The following ATRNL1 variants were observed in gnomAD, a reference collection of about 807,000 sequenced individuals.
The protein encoded by ATRNL1 is attractin-like protein 1.
ATRNL1 carries 95 observed loss-of-function variants against 182.7 expected under a neutral mutation model. The observed-to-expected ratio is 0.52, with a 90% CI of 0.44 to 0.62. ATRNL1 has a LOEUF of 0.62. Among genes scored for constraint, ATRNL1 ranks in the 20% least tolerant of loss-of-function variants. The pLI, the probability that ATRNL1 is intolerant of heterozygous loss-of-function variation, is 0.00. For missense variants in ATRNL1, 1,471 were observed against 1,679.5 expected, an observed-to-expected ratio of 0.88 and a Z score of 2.17; for synonymous variants, 576 against 568.3, an observed-to-expected ratio of 1.01 and a Z score of -0.19.
intron 19 of ATRNL1, among the ~76,000 whole-genome samples, chr10:115,365,462 A>G (rs1210169107): frequency 6.6e-6 from 1 of 151,956 alleles, no homozygotes; most frequent in Non-Finnish European, 1.5e-5. Flanking sequence ...TGATCCTTTC[A>G]AAAAACCAGC....
chr10:115,094,903 A>G (rs1485893791), intron 1 of ATRNL1, among the ~76,000 whole-genome samples: 2 of 152,192 alleles, frequency 1.3e-5, no homozygotes, highest in Admixed American at 6.5e-5. Flanking sequence ...TGTGGTGAGG[A>G]TAATGGATTT....
At chr10:115,696,870 C>CGAGAGAGAGAGAGA (rs138252590) in intron 26 of ATRNL1, among the ~76,000 whole-genome samples, 56 of 134,042 alleles carry the variant, frequency 4.2e-4, no homozygotes, top group African/African-American at 1.5e-3. Context: ...CATATCAGAG[C>CGAGAGAGAGAGAGA]GAGAGAGAGA....
At chr10:115,602,236 C>T (rs934751052) in intron 26 of ATRNL1, among the ~76,000 whole-genome samples, 1 of 152,088 alleles carries the variant, frequency 6.6e-6, no homozygotes, top group Non-Finnish European at 1.5e-5. Flanking sequence ...CACCTATAAT[C>T]CCACCTACTT....
At chr10:115,333,712 C>G (rs1554935788) in intron 18 of ATRNL1, among the ~76,000 whole-genome samples, 1 of 152,038 alleles carries the variant, frequency 6.6e-6, no homozygotes, top group African/African-American at 2.4e-5. Flanking sequence ...GTCTCAAACT[C>G]CTCACCTCAA....
intron 26 of ATRNL1, among the ~76,000 whole-genome samples, chr10:115,565,858 A>G (rs1446890113): frequency 2.0e-5 from 3 of 152,156 alleles, no homozygotes; most frequent in Non-Finnish European, 4.4e-5. Flanking sequence ...ATGCCAAGTT[A>G]TTGCCATAAA....
intron 19 of ATRNL1, among the ~76,000 whole-genome samples, chr10:115,372,799 A>G (rs182825259): frequency 1.2e-3 from 188 of 152,158 alleles, no homozygotes; most frequent in African/African-American, 4.2e-3. Context: ...TTGAGATAAG[A>G]TAGTGTGATG....
At chr10:115,423,721 A>G (rs1845751239) in intron 20 of ATRNL1, among the ~76,000 whole-genome samples, 1 of 152,210 alleles carries the variant, frequency 6.6e-6, no homozygotes, top group South Asian at 2.1e-4. Context: ...AAAAAGTTTC[A>G]TTAAGAAGAA....
At chr10:115,458,069 C>G (rs1554969085) in intron 21 of ATRNL1, among the ~76,000 whole-genome samples, 1 of 152,000 alleles carries the variant, frequency 6.6e-6, no homozygotes, top group African/African-American at 2.4e-5. Context: ...TTCATTAATG[C>G]AGCATAAAAA....
At chr10:115,619,907 C>T (rs180973610) in intron 26 of ATRNL1, among the ~76,000 whole-genome samples, 203 of 152,194 alleles carry the variant, frequency 1.3e-3, no homozygotes, top group Admixed American at 2.7e-3. Context: ...GTGTTTATCA[C>T]CCAAGTATGA....
intron 20 of ATRNL1, among the ~76,000 whole-genome samples, chr10:115,416,805 A>C (rs1338150920): frequency 2.0e-5 from 3 of 152,248 alleles, no homozygotes; most frequent in African/African-American, 4.8e-5. Flanking sequence ...TTAACAAAAA[A>C]GAAAATGTTA....
chr10:115,281,663 A>G (rs1592374547), intron 14 of ATRNL1, among the ~76,000 whole-genome samples, 176 bp downstream of exon 14: 1 of 152,204 alleles, frequency 6.6e-6, no homozygotes, highest in Admixed American at 6.6e-5. Flanking sequence ...TTGATTACAT[A>G]TTTGCTTCCA....
chr10:115,672,306 T>C (rs1188515176), intron 26 of ATRNL1, among the ~76,000 whole-genome samples: 2 of 152,236 alleles, frequency 1.3e-5, no homozygotes, highest in Middle Eastern at 3.4e-3. Flanking sequence ...GCCTAGGAAG[T>C]TGCAGAGCTG....
At chr10:115,515,964 T>C (rs7100292) in intron 24 of ATRNL1, among the ~76,000 whole-genome samples, 7,113 of 151,908 alleles carry the variant, frequency 0.047, 596 homozygotes, top group African/African-American at 0.16. Context: ...GCTCTAATGA[T>C]GGGGTGGCCC....
intron 22 of ATRNL1, among the ~76,000 whole-genome samples, chr10:115,462,590 G>A (rs1021082597): frequency 3.9e-5 from 6 of 152,020 alleles, no homozygotes; most frequent in Non-Finnish European, 7.4e-5. Flanking sequence ...CCAGCCTGGC[G>A]ACAGAGTGAG....
chr10:115,171,435 T>C, intron 8 of ATRNL1, 143 bp downstream of exon 8: 1 of 710,568 alleles, frequency 1.4e-6, no homozygotes, highest in Non-Finnish European at 2.1e-6. Context: ...TAATATAAGC[T>C]TTTTTGATTA....
At chr10:115,894,615 A>G (rs1814844349) in intron 28 of ATRNL1, among the ~76,000 whole-genome samples, 1 of 152,208 alleles carries the variant, frequency 6.6e-6, no homozygotes, top group African/African-American at 2.4e-5. Context: ...AAGATCTAGA[A>G]TATGTTCTTA....
At chr10:115,729,536 T>TGTGTGTGTGTGTG (rs1593135565) in intron 27 of ATRNL1, among the ~76,000 whole-genome samples, 1 of 146,004 alleles carries the variant, frequency 6.8e-6, no homozygotes, top group African/African-American at 2.5e-5. Flanking sequence ...TGTGTGTGTG[T>TGTGTGTGTGTGTG]TGTTACTAGC....
intron 10 of ATRNL1, among the ~76,000 whole-genome samples, chr10:115,264,237 A>C (rs1182528506): frequency 1.3e-5 from 2 of 151,724 alleles, no homozygotes; most frequent in South Asian, 4.1e-4. Flanking sequence ...TTAATAAAAT[A>C]TTGAGTTGAA....
intron 25 of ATRNL1, among the ~76,000 whole-genome samples, chr10:115,523,124 C>T (rs73373332): frequency 0.028 from 4,206 of 152,248 alleles, 223 homozygotes; most frequent in African/African-American, 0.097. Context: ...CAGTGGAAGC[C>T]GACAAGCCTC....
Sources: allele counts gnomAD v4.1 joint callset (sites outside exome capture counted in the v4.1 genomes callset), GRCh38; gene constraint gnomAD v4.1.1; transcripts MANE v1.5; gene names NCBI Gene and HGNC (gene_info 2026-07-23, HGNC 2026-07-21).